SKAP1: variants seen among roughly 807,000 people sequenced by gnomAD.
SKAP1 encodes src kinase-associated phosphoprotein 1.
A neutral mutation model predicts 58.5 loss-of-function variants in SKAP1; 44 were observed. That is an observed-to-expected ratio of 0.75 (90% CI 0.59 to 0.97). SKAP1 has a LOEUF of 0.97. SKAP1 is among the 50% of genes least tolerant of loss of function. The pLI is 0.00. For synonymous variants in SKAP1, 127 were observed against 149.7 expected (o/e 0.85, Z 1.11); for missense variants, 390 against 435.2 (o/e 0.90, Z 0.92).
intron 4 of SKAP1, among the ~76,000 whole-genome samples, chr17:48,266,968 C>T (rs946745364): frequency 2.6e-5 from 4 of 152,260 alleles, no homozygotes; most frequent in Admixed American, 6.5e-5. Context: ...ACACTCAACA[C>T]GAAATGCTTT....
intron 11 of SKAP1, 60 bp downstream of exon 11, chr17:48,162,409 G>T: frequency 2.6e-6 from 3 of 1,132,258 alleles, no homozygotes; most frequent in African/African-American, 1.5e-5. Flanking sequence ...TGTTTATGGT[G>T]ACTAAATCAA....
intron 5 of SKAP1, among the ~76,000 whole-genome samples, chr17:48,188,203 C>G (rs2051952966): frequency 6.6e-6 from 1 of 152,210 alleles, no homozygotes; most frequent in Non-Finnish European, 1.5e-5. Context: ...GGGTTCTAAT[C>G]TCATCCTGTA....
At chr17:48,421,959 T>C (rs1304299031) in intron 1 of SKAP1, among the ~76,000 whole-genome samples, 1 of 152,114 alleles carries the variant, frequency 6.6e-6, no homozygotes, top group Non-Finnish European at 1.5e-5. Context: ...ACACCTGTAA[T>C]CTCAGCACTT....
chr17:48,370,899 T>C (rs1286359747), intron 2 of SKAP1, among the ~76,000 whole-genome samples: 2 of 152,226 alleles, frequency 1.3e-5, no homozygotes, highest in South Asian at 2.1e-4. Flanking sequence ...AACAGTGGAT[T>C]AGATTTTTTT....
At chr17:48,257,634 T>C (rs1314869589) in intron 4 of SKAP1, among the ~76,000 whole-genome samples, 1 of 122,470 alleles carries the variant, frequency 8.2e-6, no homozygotes, top group Non-Finnish European at 1.7e-5. Flanking sequence ...CTTTCTTTTT[T>C]TTTTTTTTTT....
chr17:48,185,005 C>T (rs1009782496), intron 6 of SKAP1, 158 bp from the exon 7 acceptor site: 3 of 655,198 alleles, frequency 4.6e-6, no homozygotes. Flanking sequence ...TAAGAAGAGG[C>T]TACTGCGACA....
At chr17:48,217,576 G>T (rs1332194689) in intron 4 of SKAP1, among the ~76,000 whole-genome samples, 3 of 152,144 alleles carry the variant, frequency 2.0e-5, no homozygotes, top group Non-Finnish European at 4.4e-5. Context: ...GAGCCAAGAG[G>T]TCGAGACTGC....
chr17:48,344,191 T>A (rs1405039660), intron 4 of SKAP1: 3 of 380,570 alleles, frequency 7.9e-6, no homozygotes, highest in East Asian at 1.6e-4. Context: ...TTAAAAAAAA[T>A]TATTCTTAGA....
At chr17:48,357,741 C>A (rs1437194954) in intron 3 of SKAP1, among the ~76,000 whole-genome samples, 1 of 152,134 alleles carries the variant, frequency 6.6e-6, no homozygotes, top group East Asian at 1.9e-4. Flanking sequence ...ACTAAAAAAA[C>A]CACCCTACCA....
chr17:48,221,568 G>C (rs2065006827), intron 4 of SKAP1, among the ~76,000 whole-genome samples: 1 of 152,150 alleles, frequency 6.6e-6, no homozygotes, highest in Admixed American at 6.6e-5. Context: ...TGGTGTTTTG[G>C]TTTAAACCTT....
At chr17:48,353,810 T>C (rs1340351691) in intron 3 of SKAP1, among the ~76,000 whole-genome samples, 1 of 150,300 alleles carries the variant, frequency 6.7e-6, no homozygotes, top group Non-Finnish European at 1.5e-5. Flanking sequence ...GCAGAGAGAA[T>C]TGCTTAAAAC....
At chr17:48,378,886 G>A (rs1195614739) in intron 2 of SKAP1, among the ~76,000 whole-genome samples, 5 of 152,198 alleles carry the variant, frequency 3.3e-5, no homozygotes, top group African/African-American at 9.7e-5. Context: ...GACTCATTCA[G>A]TATAAGAGAG....
At chr17:48,139,924 C>T (rs1308190153) in intron 11 of SKAP1, among the ~76,000 whole-genome samples, 2 of 152,212 alleles carry the variant, frequency 1.3e-5, no homozygotes, top group Non-Finnish European at 2.9e-5. Context: ...CCTCCTCCTT[C>T]CTTTCCGAGA....
At chr17:48,170,488 A>T (rs1248260273) in intron 10 of SKAP1, 121 bp downstream of exon 10, 1 of 847,106 alleles carries the variant, frequency 1.2e-6, no homozygotes, top group African/African-American at 1.7e-5. Context: ...TGGGGTTCAC[A>T]CACAGGTACC....
intron 4 of SKAP1, among the ~76,000 whole-genome samples, chr17:48,330,118 G>C (rs1193143240): frequency 6.6e-6 from 1 of 152,198 alleles, no homozygotes; most frequent in Non-Finnish European, 1.5e-5. Context: ...CAGGATGGTA[G>C]TATTTATGCT....
intron 1 of SKAP1, among the ~76,000 whole-genome samples, chr17:48,414,111 A>G (rs754980235): frequency 2.1e-4 from 32 of 152,214 alleles, no homozygotes; most frequent in Non-Finnish European, 4.1e-4. Flanking sequence ...CTCTACCTTA[A>G]CTAAGAGTTT....
chr17:48,252,324 C>A (rs2065373331), intron 4 of SKAP1, among the ~76,000 whole-genome samples: 1 of 151,984 alleles, frequency 6.6e-6, no homozygotes, highest in African/African-American at 2.4e-5. Flanking sequence ...GATTTTAATC[C>A]CAGTTTTCTC....
intron 2 of SKAP1, among the ~76,000 whole-genome samples, chr17:48,376,799 TA>T (rs2067155847): frequency 2.0e-5 from 3 of 152,300 alleles, no homozygotes; most frequent in Non-Finnish European, 4.4e-5. Context: ...AGAAGTGATG[TA>T]ATTGGCCCAG....
chr17:48,413,523 A>AAAAAAAAAAATATAT, intron 1 of SKAP1, among the ~76,000 whole-genome samples: 1 of 105,454 alleles, frequency 9.5e-6, no homozygotes, highest in African/African-American at 4.3e-5. Context: ...TCAAAAAAAA[A>AAAAAAAAAAATATAT]ATATATATAT....
Sources: gnomAD v4.1 joint callset for allele counts (sites outside exome capture counted in the v4.1 genomes callset) on GRCh38, gnomAD v4.1.1 for gene constraint, MANE v1.5 for transcripts, NCBI Gene and HGNC (gene_info 2026-07-23, HGNC 2026-07-21) for gene names.